PALS2: variants seen among roughly 807,000 people sequenced by gnomAD.
The protein encoded by PALS2 is protein PALS2.
A neutral mutation model predicts 61.6 loss-of-function variants in PALS2; 27 were observed. The observed-to-expected ratio is 0.44, with a 90% CI of 0.32 to 0.60. The LOEUF (loss-of-function observed/expected upper bound fraction) is 0.60. Ranked by LOEUF, PALS2 falls within the 20% of genes least tolerant of loss-of-function variation. The pLI is 0.05. For synonymous variants in PALS2, 236 were observed against 218.6 expected, an observed-to-expected ratio of 1.08 and a Z score of -0.70; for missense variants, 554 against 639.4, an observed-to-expected ratio of 0.87 and a Z score of 1.44.
intron 1 of PALS2, among the ~76,000 whole-genome samples, chr7:24,583,841 G>A (rs1782947940): frequency 6.6e-6 from 1 of 151,614 alleles, no homozygotes; most frequent in Non-Finnish European, 1.5e-5. Context: ...TCCCCAGAGT[G>A]TGATATTCCC....
At chr7:24,643,076 G>A (rs561727846) in intron 3 of PALS2, among the ~76,000 whole-genome samples, 1 of 152,178 alleles carries the variant, frequency 6.6e-6, no homozygotes, top group Admixed American at 6.5e-5. Context: ...GGTTGCATAT[G>A]ACAGTTGTAG....
At chr7:24,660,543 AACAC>A (rs145784408) in intron 5 of PALS2, among the ~76,000 whole-genome samples, 82 of 150,876 alleles carry the variant, frequency 5.4e-4, no homozygotes, top group Middle Eastern at 3.4e-3. Context: ...CCTATTGACA[AACAC>A]ACACACACAC....
chr7:24,601,421 A>G (rs1286653539), intron 1 of PALS2, among the ~76,000 whole-genome samples: 1 of 152,020 alleles, frequency 6.6e-6, no homozygotes, highest in East Asian at 1.9e-4. Context: ...CTGATTTGTC[A>G]ACTTCATTTT....
At chr7:24,612,887 G>A (rs2128052684) in intron 1 of PALS2, among the ~76,000 whole-genome samples, 1 of 151,832 alleles carries the variant, frequency 6.6e-6, no homozygotes, top group South Asian at 2.1e-4. Context: ...TCTAGTCCCT[G>A]ACTTAATAGT....
chr7:24,664,108 G>A (rs1786888492), intron 6 of PALS2, among the ~76,000 whole-genome samples: 1 of 152,004 alleles, frequency 6.6e-6, no homozygotes, highest in Admixed American at 6.6e-5. Flanking sequence ...TGTGTCTCTT[G>A]TCTCCTCTCC....
chr7:24,595,792 G>T (rs1235904317), intron 1 of PALS2, among the ~76,000 whole-genome samples: 1 of 151,142 alleles, frequency 6.6e-6, no homozygotes, highest in African/African-American at 2.4e-5. Flanking sequence ...GAATGCTTGG[G>T]TTTACTTTCT....
chr7:24,614,799 C>T (rs1784233831), intron 1 of PALS2, among the ~76,000 whole-genome samples: 1 of 151,780 alleles, frequency 6.6e-6, no homozygotes, highest in South Asian at 2.1e-4. Flanking sequence ...TTCGTCAGCA[C>T]ATGAAACATT....
intron 1 of PALS2, among the ~76,000 whole-genome samples, chr7:24,608,399 C>T (rs1020355772): frequency 1.4e-4 from 21 of 152,080 alleles, no homozygotes; most frequent in African/African-American, 5.1e-4. Context: ...ACATTTTCTT[C>T]TATTACTTCT....
At chr7:24,589,062 G>A (rs1484346798) in intron 1 of PALS2, 2 of 152,152 alleles carry the variant, frequency 1.3e-5, no homozygotes, top group Non-Finnish European at 2.9e-5. Flanking sequence ...ATGATTTGTA[G>A]ATCCAAATTT....
rs764429109 is a variant in PALS2 at position 24,650,548 on chromosome 7, A to G, written c.487A>G (p.Ile163Val). 13 of 1,613,550 alleles carry G rather than the reference A, an allele frequency of 8.1e-6. No individual in the cohort carries two copies. In the African/African-American group the frequency reaches 1.6e-4, roughly 20 times the overall value. ...TGCCCGAATCCTCCATGGGGGAATG[A>G]TAGATCGACAAGGTCTACTTCATGT... ...VIARILHGGM[I>V]DRQGLLHVGD... Residue 163 changes from isoleucine (I) to valine (V), a missense_variant, in exon 5 of 12, where the codon ATA (isoleucine) becomes GTA (valine). Ile to Val is a conservative substitution (Grantham distance 29, BLOSUM62 3). Coordinates refer to ENST00000222644, the MANE Select transcript of PALS2 (RefSeq NM_001303037.2).
chr7:24,684,717 A>G (rs1788106213), intron 11 of PALS2, among the ~76,000 whole-genome samples: 1 of 152,222 alleles, frequency 6.6e-6, no homozygotes, highest in African/African-American at 2.4e-5. Flanking sequence ...GATAGCTTCA[A>G]ATGAAATTTT....
At chr7:24,640,878 G>A (rs1785505882) in intron 2 of PALS2, among the ~76,000 whole-genome samples, 1 of 151,636 alleles carries the variant, frequency 6.6e-6, no homozygotes, top group South Asian at 2.1e-4. Context: ...CTTGGTGGCG[G>A]GTACCTGTAG....
chr7:24,653,520 A>C (rs1786266736), intron 5 of PALS2, among the ~76,000 whole-genome samples: 1 of 152,104 alleles, frequency 6.6e-6, no homozygotes, highest in African/African-American at 2.4e-5. Flanking sequence ...ATACCCCACG[A>C]AGTTTAATTT....
At chr7:24,673,070 AGTTCCCTTCT>A (rs1437528542) in intron 9 of PALS2, among the ~76,000 whole-genome samples, 1 of 152,174 alleles carries the variant, frequency 6.6e-6, no homozygotes, top group Non-Finnish European at 1.5e-5. Flanking sequence ...AGATTGGAGA[AGTTCCCTTCT>A]GTTCCTGCTT....
intron 1 of PALS2, among the ~76,000 whole-genome samples, chr7:24,607,593 ATGTG>A (rs1015963436): frequency 1.5e-5 from 2 of 132,214 alleles, no homozygotes; most frequent in Non-Finnish European, 3.3e-5. Flanking sequence ...ATATACATAT[ATGTG>A]TGTGTATATA....
intron 11 of PALS2, among the ~76,000 whole-genome samples, chr7:24,681,132 A>G (rs746376363): frequency 4.6e-5 from 7 of 152,170 alleles, no homozygotes; most frequent in South Asian, 2.1e-4. Context: ...CTCCGAGATC[A>G]TTAACAGGCA....
chr7:24,639,973 T>C (rs1441234219), intron 2 of PALS2, among the ~76,000 whole-genome samples: 1 of 151,908 alleles, frequency 6.6e-6, no homozygotes, highest in Non-Finnish European at 1.5e-5. Flanking sequence ...TCCACCACCA[T>C]GCCTGCCTAA....
chr7:24,648,061 A>G (rs1785934342), intron 3 of PALS2, among the ~76,000 whole-genome samples: 1 of 152,162 alleles, frequency 6.6e-6, no homozygotes, highest in Non-Finnish European at 1.5e-5. Flanking sequence ...GAATCCTTAC[A>G]TATGGATTTA....
chr7:24,575,984 C>G (rs1488230784), intron 1 of PALS2, among the ~76,000 whole-genome samples: 1 of 151,824 alleles, frequency 6.6e-6, no homozygotes, highest in Non-Finnish European at 1.5e-5. Context: ...AATCAGAACT[C>G]TACTTCAGGT....
Sources: gnomAD v4.1 joint callset for allele counts (sites outside exome capture counted in the v4.1 genomes callset) on GRCh38, gnomAD v4.1.1 for gene constraint, MANE v1.5 for transcripts, NCBI Gene and HGNC (gene_info 2026-07-23, HGNC 2026-07-21) for gene names.